RALB: variants seen among roughly 807,000 people sequenced by gnomAD.
RALB encodes the protein RAS like proto-oncogene B.
In RALB, 16 loss-of-function variants were observed where a neutral mutation model predicts 21.3. The ratio of observed to expected loss-of-function variants is 0.75; its 90% CI spans 0.51 to 1.14. The LOEUF is 1.14. RALB is among the 50% of genes most tolerant of loss of function. RALB has a pLI of 0.00. For synonymous variants in RALB, 93 were observed against 96.1 expected (o/e 0.97, Z 0.19); for missense variants, 161 against 256.2 (o/e 0.63, Z 2.54).
At chr2:120,248,353 C>G (rs1689004166), upstream of RALB, among the ~76,000 whole-genome samples, 1 of 152,102 alleles carries the variant, frequency 6.6e-6, no homozygotes, top group African/African-American at 2.4e-5. Context: ...AAATCCATAC[C>G]CTCCCCCATT....
At chr2:120,261,686 G>T (rs942518057) in intron 1 of RALB, among the ~76,000 whole-genome samples, 9 of 152,312 alleles carry the variant, frequency 5.9e-5, no homozygotes, top group South Asian at 2.1e-4. Flanking sequence ...GAGGGGAAGG[G>T]AGCAGGGAGA....
At chr2:120,256,713 C>G (rs1293711927) in intron 1 of RALB, among the ~76,000 whole-genome samples, 1 of 152,168 alleles carries the variant, frequency 6.6e-6, no homozygotes, top group Non-Finnish European at 1.5e-5. Flanking sequence ...TTCTTCATAG[C>G]AGCATGAGAA....
chr2:120,252,986 G>C lies in RALB; in HGVS notation c.-48+6G>C, dbSNP rs1689093693. The C allele has an allele frequency of 1.0e-6, 1 of 985,090 alleles. No homozygotes were observed. The highest frequency in any genetic ancestry group is 1.2e-6 in the Non-Finnish European group (1 of 829,934). The allele number at this position is 985,090 out of a possible 1,614,324, so 61.0% of individuals were successfully genotyped here. A position where few individuals can be genotyped will look rare whatever the true frequency, so the allele number is the denominator to read the frequency against. ...GGCGGCGGGACTGGTCCCTGGTAAG[G>C]GCGCGGCGCCCGCGGGCCCCGGGCG... On this transcript the variant is annotated splice_donor_region_variant and intron_variant, in intron 1 of 4. Transcript: ENST00000272519.
At chr2:120,282,273 G>T (rs1230584984) in intron 2 of RALB, among the ~76,000 whole-genome samples, 1 of 152,042 alleles carries the variant, frequency 6.6e-6, no homozygotes. Context: ...GAGGTCAGGA[G>T]TTCAAGACCA....
chr2:120,275,418 A>G (rs1689767596), intron 1 of RALB, among the ~76,000 whole-genome samples: 2 of 152,210 alleles, frequency 1.3e-5, no homozygotes, highest in South Asian at 4.1e-4. Flanking sequence ...TCAGCTGTGC[A>G]TTTAAGAGCA....
chr2:120,248,618 A>G (rs185955112), upstream of RALB, among the ~76,000 whole-genome samples: 1 of 152,028 alleles, frequency 6.6e-6, no homozygotes, highest in Non-Finnish European at 1.5e-5. Flanking sequence ...TCCACATCCA[A>G]CCCTCACAGC....
upstream of RALB, among the ~76,000 whole-genome samples, chr2:120,248,932 A>G (rs148322094): frequency 0.011 from 1,696 of 152,122 alleles, 32 homozygotes; most frequent in African/African-American, 0.039. Flanking sequence ...GGCCTCTCAA[A>G]GTGCTGGGAT....
At chr2:120,278,015 G>GTGTGAA (rs1161914821) in intron 1 of RALB, among the ~76,000 whole-genome samples, 1 of 138,632 alleles carries the variant, frequency 7.2e-6, no homozygotes, top group South Asian at 2.4e-4. Context: ...GTGTGAGCAT[G>GTGTGAA]TGTGAATGTG....
chr2:120,294,066 C>A lies in RALB; in HGVS notation c.*806C>A, dbSNP rs1052801073. ...TATTTTTAAGTTCTTTGGCTAAGTC[C>A]TCTCCTAACTGCCTGTCCTCTGGTT... On this transcript the variant is annotated 3_prime_UTR_variant, in exon 5 of 5. Coordinates refer to ENST00000272519, the MANE Select transcript of RALB (RefSeq NM_002881.3). The A allele has an allele frequency of 2.5e-6, 1 of 397,806 alleles. No individual in the cohort carries two copies. Among genetic ancestry groups the A allele is most frequent in the Non-Finnish European group, 4.4e-6 (1 of 225,924 alleles). The allele number at this position is 397,806 out of a possible 1,614,324, so 24.6% of individuals were successfully genotyped here. A position where few individuals can be genotyped will look rare whatever the true frequency, so the allele number is the denominator to read the frequency against.
At chr2:120,277,502 G>A (rs533144202) in intron 1 of RALB, among the ~76,000 whole-genome samples, 2 of 76,162 alleles carry the variant, frequency 2.6e-5, no homozygotes, top group South Asian at 3.5e-4. Flanking sequence ...TGTGGTATGA[G>A]CATGTGAACG....
At chr2:120,241,024 T>C (rs1267350726) in intron 1 of RALB, among the ~76,000 whole-genome samples, 1 of 152,182 alleles carries the variant, frequency 6.6e-6, no homozygotes, top group African/African-American at 2.4e-5. Context: ...CCAGATCCAC[T>C]GTCACGGGGT....
upstream of RALB, among the ~76,000 whole-genome samples, chr2:120,247,874 G>T (rs1688996664): frequency 6.6e-6 from 1 of 152,114 alleles, no homozygotes; most frequent in African/African-American, 2.4e-5. Context: ...AAGATCTTAG[G>T]TCCTCCTCTA....
At chr2:120,260,482 G>A (rs1336719645) in intron 1 of RALB, among the ~76,000 whole-genome samples, 2 of 152,382 alleles carry the variant, frequency 1.3e-5, no homozygotes, top group Non-Finnish European at 2.9e-5. Context: ...AGCGGTCAGG[G>A]CTGCATCCTC....
chr2:120,273,721 C>A (rs1236453838), intron 1 of RALB, among the ~76,000 whole-genome samples: 1 of 152,234 alleles, frequency 6.6e-6, no homozygotes, highest in African/African-American at 2.4e-5. Context: ...GGAGTCAGCA[C>A]GTTCAGCTTC....
intron 1 of RALB, among the ~76,000 whole-genome samples, chr2:120,260,737 C>A (rs1161196725): frequency 6.6e-6 from 1 of 152,232 alleles, no homozygotes; most frequent in African/African-American, 2.4e-5. Flanking sequence ...AGGCCTGCTG[C>A]GGGCCTTCCC....
chr2:120,267,983 G>A (rs1384924684), intron 1 of RALB, among the ~76,000 whole-genome samples: 1 of 152,044 alleles, frequency 6.6e-6, no homozygotes, highest in African/African-American at 2.4e-5. Context: ...GTAGAGACGG[G>A]GTTTCACCAT....
intron 1 of RALB, among the ~76,000 whole-genome samples, chr2:120,254,291 A>G (rs1008131492): frequency 5.9e-5 from 9 of 152,202 alleles, no homozygotes; most frequent in South Asian, 2.1e-4. Context: ...GGGGGAGAAG[A>G]AGGCCAGGGA....
intron 1 of RALB, among the ~76,000 whole-genome samples, chr2:120,244,094 A>T (rs1688933221): frequency 6.6e-6 from 1 of 152,190 alleles, no homozygotes; most frequent in Non-Finnish European, 1.5e-5. Flanking sequence ...AGACAGAGAG[A>T]AAAGGGGGAA....
chr2:120,242,203 C>T (rs577059251), intron 1 of RALB, among the ~76,000 whole-genome samples: 1 of 152,212 alleles, frequency 6.6e-6, no homozygotes, highest in South Asian at 2.1e-4. Flanking sequence ...TACCTGGAGT[C>T]GTCAAATTCA....
Sources: allele counts gnomAD v4.1 joint callset (sites outside exome capture counted in the v4.1 genomes callset), GRCh38; gene constraint gnomAD v4.1.1; transcripts MANE v1.5; gene names NCBI Gene and HGNC (gene_info 2026-07-23, HGNC 2026-07-21).